CAPS2: variants seen among roughly 807,000 people sequenced by gnomAD.
The protein encoded by CAPS2 is calcyphosin-2.
CAPS2 carries 98 observed loss-of-function variants against 86.5 expected under a neutral mutation model. The ratio of observed to expected loss-of-function variants is 1.13; its 90% CI spans 0.96 to 1.34. The LOEUF (loss-of-function observed/expected upper bound fraction) is 1.34. Among genes scored for constraint, CAPS2 ranks in the 40% most tolerant of loss-of-function variants. The pLI, the probability that CAPS2 is intolerant of heterozygous loss-of-function variation, is 0.00. For missense variants in CAPS2, 729 were observed against 686.8 expected, an observed-to-expected ratio of 1.06 and a Z score of -0.69; for synonymous variants, 210 against 225.1, an observed-to-expected ratio of 0.93 and a Z score of 0.60.
chr12:75,355,075 C>T (rs894852676), intron 1 of CAPS2, among the ~76,000 whole-genome samples: 13 of 151,912 alleles, frequency 8.6e-5, no homozygotes, highest in African/African-American at 2.4e-4. Context: ...CATGGGCAAA[C>T]GTTTCAAGAC....
intron 1 of CAPS2, among the ~76,000 whole-genome samples, chr12:75,338,156 G>T (rs921652330): frequency 6.6e-6 from 1 of 151,992 alleles, no homozygotes; most frequent in Non-Finnish European, 1.5e-5. Context: ...AACATTACAG[G>T]TTAGAAAATT....
chr12:75,343,034 A>C (rs1202175643), intron 1 of CAPS2, among the ~76,000 whole-genome samples: 1 of 151,880 alleles, frequency 6.6e-6, no homozygotes, highest in Non-Finnish European at 1.5e-5. Context: ...TTTATGTATT[A>C]ATTTAAATTT....
At chr12:75,334,405 A>T, upstream of CAPS2, 1 of 1,000,000 alleles carries the variant, frequency 1.0e-6, no homozygotes, top group Non-Finnish European at 1.2e-6. Flanking sequence ...TGGCTTGCAT[A>T]TTGCAATCTG....
chr12:75,339,691 A>G (rs188761418), intron 1 of CAPS2, among the ~76,000 whole-genome samples: 1 of 151,818 alleles, frequency 6.6e-6, no homozygotes, highest in African/African-American at 2.4e-5. Context: ...TATTGCCTAG[A>G]TTTTTCTTCT....
At chr12:75,329,568 T>C (rs1385807284), upstream of CAPS2, among the ~76,000 whole-genome samples, 2 of 152,020 alleles carry the variant, frequency 1.3e-5, no homozygotes, top group Non-Finnish European at 2.9e-5. Flanking sequence ...ATGTTACTTA[T>C]ATCAAATCAG....
At chr12:75,305,250 A>G (rs2038312658) in intron 7 of CAPS2, among the ~76,000 whole-genome samples, 1 of 152,252 alleles carries the variant, frequency 6.6e-6, no homozygotes, top group African/African-American at 2.4e-5. Context: ...CAGAAATTCA[A>G]TGAACAAACA....
intron 1 of CAPS2, among the ~76,000 whole-genome samples, chr12:75,385,474 T>C (rs564353159): frequency 6.6e-6 from 1 of 152,180 alleles, no homozygotes; most frequent in South Asian, 2.1e-4. Context: ...AAGATATCAA[T>C]ATTTACAAAA....
At chr12:75,324,958 T>G (rs780180009) in intron 2 of CAPS2, among the ~76,000 whole-genome samples, 2 of 152,102 alleles carry the variant, frequency 1.3e-5, no homozygotes, top group Non-Finnish European at 2.9e-5. Flanking sequence ...TGCATATAGC[T>G]GAATTTTCCA....
intron 2 of CAPS2, among the ~76,000 whole-genome samples, chr12:75,324,690 A>G (rs2040604034): frequency 6.6e-6 from 1 of 152,118 alleles, no homozygotes; most frequent in Non-Finnish European, 1.5e-5. Flanking sequence ...CTAAGTTTTT[A>G]ATTTCTATTT....
At chr12:75,286,879 A>C (rs755993052) in intron 14 of CAPS2, among the ~76,000 whole-genome samples, 5 of 151,826 alleles carry the variant, frequency 3.3e-5, no homozygotes, top group Non-Finnish European at 5.9e-5. Context: ...TGTTCCCTCT[A>C]TGTTAGAAGT....
chr12:75,331,013 G>A (rs1291631783), upstream of CAPS2, among the ~76,000 whole-genome samples: 1 of 152,068 alleles, frequency 6.6e-6, no homozygotes, highest in Non-Finnish European at 1.5e-5. Flanking sequence ...TCGAACTCCT[G>A]ACCTCAGGTG....
chr12:75,330,903 G>C (rs187635348), upstream of CAPS2, among the ~76,000 whole-genome samples: 38 of 151,866 alleles, frequency 2.5e-4, 1 homozygote, highest in East Asian at 7.0e-3. Flanking sequence ...TCCTGCCCCA[G>C]CCTCCCAAGT....
intron 1 of CAPS2, among the ~76,000 whole-genome samples, chr12:75,336,043 A>G (rs2041713957): frequency 6.6e-6 from 1 of 151,990 alleles, no homozygotes; most frequent in African/African-American, 2.4e-5. Context: ...AATAATGTAG[A>G]AACTAAACAC....
chr12:75,312,226 C>T (rs2039309400), intron 7 of CAPS2, among the ~76,000 whole-genome samples: 2 of 152,152 alleles, frequency 1.3e-5, no homozygotes, highest in Admixed American at 1.3e-4. Context: ...CCACAGTGAA[C>T]TCACAGGGGT....
chr12:75,387,095 AAAGACATTCTC>A (rs2045331342), intron 1 of CAPS2, among the ~76,000 whole-genome samples: 1 of 152,216 alleles, frequency 6.6e-6, no homozygotes, highest in East Asian at 1.9e-4. Flanking sequence ...CTACTCAGCA[AAAGACATTCTC>A]AAGAGAATGA....
chr12:75,383,488 C>A (rs1182955424), intron 1 of CAPS2, among the ~76,000 whole-genome samples: 1 of 152,138 alleles, frequency 6.6e-6, no homozygotes, highest in African/African-American at 2.4e-5. Flanking sequence ...GAAGACATTA[C>A]AATCCTTAAT....
At chr12:75,315,584 C>T (rs1311232422) in intron 6 of CAPS2, among the ~76,000 whole-genome samples, 1 of 152,084 alleles carries the variant, frequency 6.6e-6, no homozygotes, top group Non-Finnish European at 1.5e-5. Context: ...ATTGAATTGC[C>T]ACTCAATGAT....
At chr12:75,371,989 G>C (rs1410099708) in intron 1 of CAPS2, among the ~76,000 whole-genome samples, 2 of 152,102 alleles carry the variant, frequency 1.3e-5, no homozygotes, top group Non-Finnish European at 2.9e-5. Context: ...TTAAGGAGTA[G>C]TAGGTTGATT....
At chr12:75,317,506 T>C (rs751431746) in intron 5 of CAPS2, among the ~76,000 whole-genome samples, 3 of 152,166 alleles carry the variant, frequency 2.0e-5, no homozygotes, top group Non-Finnish European at 4.4e-5. Flanking sequence ...AATAATTTTA[T>C]TTTGTGTCAG....
Sources: gnomAD v4.1 joint callset for allele counts (sites outside exome capture counted in the v4.1 genomes callset) on GRCh38, gnomAD v4.1.1 for gene constraint, MANE v1.5 for transcripts, NCBI Gene and HGNC (gene_info 2026-07-23, HGNC 2026-07-21) for gene names.